Variants in CDH6 observed in about 807,000 individuals in gnomAD.
CDH6 encodes the protein cadherin-6.
Under a neutral mutation model 78.0 loss-of-function variants are expected in CDH6, and 31 were observed. That is an observed-to-expected ratio of 0.40 (90% CI 0.30 to 0.54). CDH6 has a LOEUF of 0.54. Ranked by LOEUF, CDH6 falls within the 20% of genes least tolerant of loss-of-function variation. The pLI is 0.56. For synonymous variants in CDH6, 376 were observed against 368.8 expected (o/e 1.02, Z -0.23); for missense variants, 724 against 975.9 (o/e 0.74, Z 3.44).
intron 1 of CDH6, among the ~76,000 whole-genome samples, chr5:31,223,268 G>T (rs140428250): frequency 6.6e-6 from 1 of 152,168 alleles, no homozygotes; most frequent in Non-Finnish European, 1.5e-5. Flanking sequence ...ATTGCTCTTA[G>T]AACTTGTTTG....
At chr5:31,243,774 T>C (rs1010171559) in intron 1 of CDH6, among the ~76,000 whole-genome samples, 2 of 151,988 alleles carry the variant, frequency 1.3e-5, no homozygotes, top group Admixed American at 1.3e-4. Flanking sequence ...AAAACAGGAG[T>C]CCCTGCTACT....
Position 31,269,027 on chromosome 5 carries a change from G to A in CDH6, c.228+1326G>A, listed in dbSNP as rs1000570686. Among the ~76,000 whole-genome samples the A allele has an allele frequency of 3.3e-5, 5 of 152,244 alleles. 1 individual carries two copies. Among genetic ancestry groups the A allele is most frequent in the South Asian group, 4.1e-4 (2 of 4,820 alleles). The stretch of plus-strand genomic sequence containing the variant: ...ACTACTAAAGACAGTTCAGCTACTC[G>A]TACTTCACTCCATTTCCTTTGTGAA... On this transcript the variant is annotated intron_variant, in intron 2 of 11. Transcript: ENST00000265071.
At position 31,290,158 on chromosome 5, in the gene CDH6, G is replaced by T. The variant is rs184299702; in HGVS notation, c.229-3804G>T. 1.1e-4 allele frequency among the ~76,000 whole-genome samples: 17 copies of T among 152,288 alleles called. No individual in the cohort carries two copies. The East Asian group carries it at 3.1e-3, about 28-fold the overall frequency. ...GCCTGTAATCCCAGCTACACGGCAGGCTGAGCCAAGAGAATTGCTTGAACC... is the reference window on the plus strand; with the variant it reads ...GCCTGTAATCCCAGCTACACGGCAGTCTGAGCCAAGAGAATTGCTTGAACC... On this transcript the variant is annotated intron_variant, in intron 2 of 11. Transcript: ENST00000265071.
chr5:31,234,325 A>G lies in CDH6; in HGVS notation c.-128-33021A>G, dbSNP rs866880628. Among the ~76,000 whole-genome samples the G allele has an allele frequency of 3.9e-5, 6 of 152,346 alleles. No homozygotes were observed. In the South Asian group the frequency reaches 1.2e-3, roughly 32 times the overall value. On this transcript the variant is annotated intron_variant, in intron 1 of 11. Coordinates refer to ENST00000265071, the MANE Select transcript of CDH6 (RefSeq NM_004932.4). ...TTTCTATAAACTGGGATAAAATCTTAAAAGACTTTTTCTGGTTTTATTCAT... is the reference window on the plus strand; with the variant it reads ...TTTCTATAAACTGGGATAAAATCTTGAAAGACTTTTTCTGGTTTTATTCAT...
chr5:31,235,021 G>A (rs1211912290), intron 1 of CDH6, among the ~76,000 whole-genome samples: 1 of 152,026 alleles, frequency 6.6e-6, no homozygotes, highest in East Asian at 1.9e-4. Context: ...TTGCCATACT[G>A]TACTCAATAT....
chr5:31,300,644 T>C (rs934403618), intron 5 of CDH6, among the ~76,000 whole-genome samples: 1 of 152,152 alleles, frequency 6.6e-6, no homozygotes, highest in Non-Finnish European at 1.5e-5. Flanking sequence ...TACTTTTTAA[T>C]ATGGAGATTC....
At chr5:31,226,184 T>G (rs1047888460) in intron 1 of CDH6, among the ~76,000 whole-genome samples, 3 of 152,112 alleles carry the variant, frequency 2.0e-5, no homozygotes, top group Admixed American at 6.5e-5. Flanking sequence ...TATGTATGTA[T>G]GTATTTTTGA....
intron 1 of CDH6, chr5:31,250,073 T>C (rs901545435): frequency 6.6e-6 from 1 of 152,276 alleles, no homozygotes; most frequent in African/African-American, 2.4e-5. Flanking sequence ...TACTGGGGTC[T>C]GGATTGGGGT....
intron 4 of CDH6, 21 bp downstream of exon 4, chr5:31,297,429 T>C (rs1737641502): frequency 3.2e-6 from 5 of 1,558,564 alleles, no homozygotes; most frequent in African/African-American, 1.4e-5. Context: ...TTGATCTTCC[T>C]TTTTATAATC....
chr5:31,279,467 T>C (rs1417797175), intron 2 of CDH6, among the ~76,000 whole-genome samples: 1 of 152,072 alleles, frequency 6.6e-6, no homozygotes, highest in Non-Finnish European at 1.5e-5. Context: ...TAGTCTCAGC[T>C]ACCTGAGGTC....
chr5:31,195,184 G>A (rs550615018), intron 1 of CDH6, among the ~76,000 whole-genome samples: 29 of 152,252 alleles, frequency 1.9e-4, no homozygotes, highest in African/African-American at 6.7e-4. Context: ...CACACAGTGG[G>A]AAAGAAGGAA....
At chr5:31,280,059 G>A (rs147370034) in intron 2 of CDH6, among the ~76,000 whole-genome samples, 339 of 152,218 alleles carry the variant, frequency 2.2e-3, no homozygotes, top group African/African-American at 7.7e-3. Flanking sequence ...AGTAGACATC[G>A]CTTCCCTGAG....
At chr5:31,248,158 A>G (rs1461692787) in intron 1 of CDH6, among the ~76,000 whole-genome samples, 1 of 152,216 alleles carries the variant, frequency 6.6e-6, no homozygotes, top group East Asian at 1.9e-4. Context: ...CTTCCTAATG[A>G]TATTAAAACA....
At chr5:31,293,889 A>T in intron 2 of CDH6, 73 bp from the exon 3 acceptor site, 1 of 1,034,694 alleles carries the variant, frequency 9.7e-7, no homozygotes, top group Non-Finnish European at 1.4e-6. Context: ...TGTAGCATGC[A>T]CCAAAAAGAC....
intron 1 of CDH6, chr5:31,249,833 A>AC (rs1741860781): frequency 6.6e-6 from 1 of 152,218 alleles, no homozygotes; most frequent in Admixed American, 6.5e-5. Flanking sequence ...AATCCAGGTG[A>AC]CCCTTCCCAC....
chr5:31,295,298 T>C (rs1053965994), intron 3 of CDH6, among the ~76,000 whole-genome samples: 1 of 152,142 alleles, frequency 6.6e-6, no homozygotes, highest in Non-Finnish European at 1.5e-5. Flanking sequence ...ATAGCAGCAA[T>C]AGAATGGCAT....
At chr5:31,322,558 TA>T (rs1427023976) in intron 11 of CDH6, among the ~76,000 whole-genome samples, 13 of 152,284 alleles carry the variant, frequency 8.5e-5, no homozygotes, top group African/African-American at 2.9e-4. Context: ...CATTTCAAAG[TA>T]AAAAGGAACT....
rs777050999 is a variant in CDH6 at position 31,299,504 on chromosome 5, C to T, written c.684C>T (p.Asn228=). ...CTTTGCTCAACATGGATCGAGAAAA[C>T]AGGGAGCAGTACCAAGTGGTGATTC... is the stretch of plus-strand genomic sequence containing the variant. The part of the protein sequence containing the change: ...KTALLNMDRE[N]REQYQVVIQA... Residue 228 remains asparagine (N), a synonymous_variant, in exon 5 of 12, where the codon AAC becomes AAT. Coordinates refer to ENST00000265071, the MANE Select transcript of CDH6 (RefSeq NM_004932.4). 1 of 1,613,628 alleles carries T rather than the reference C, an allele frequency of 6.2e-7. No individual in the cohort carries two copies. The highest frequency in any genetic ancestry group is 8.5e-7 in the Non-Finnish European group (1 of 1,179,734).
At chr5:31,291,514 G>T (rs1156730068) in intron 2 of CDH6, among the ~76,000 whole-genome samples, 1 of 152,126 alleles carries the variant, frequency 6.6e-6, no homozygotes, top group African/African-American at 2.4e-5. Context: ...TTGCAGATAA[G>T]AATCCTGGCT....
Sources: allele counts gnomAD v4.1 joint callset (sites outside exome capture counted in the v4.1 genomes callset), GRCh38; gene constraint gnomAD v4.1.1; transcripts MANE v1.5; gene names NCBI Gene and HGNC (gene_info 2026-07-23, HGNC 2026-07-21).